Variants in STARD8 observed in about 807,000 individuals in gnomAD.
STARD8 encodes stAR-related lipid transfer protein 8.
Under a neutral mutation model 69.4 loss-of-function variants are expected in STARD8, and 25 were observed. The observed-to-expected ratio is 0.36, with a 90% CI of 0.26 to 0.50. The LOEUF (loss-of-function observed/expected upper bound fraction) is 0.50, where lower values mean the gene tolerates loss of function less well. Ranked by LOEUF, STARD8 falls within the 20% of genes least tolerant of loss-of-function variation. STARD8 has a pLI of 0.96. For synonymous variants in STARD8, 389 were observed against 374.6 expected, an observed-to-expected ratio of 1.04 and a Z score of -0.45; for missense variants, 921 against 932.5, an observed-to-expected ratio of 0.99 and a Z score of 0.16.
At chrX:68,723,553 C>T in intron 12 of STARD8, 73 bp from the exon 13 acceptor site, 1 of 942,429 alleles carries the variant, frequency 1.1e-6, no homozygotes. Context: ...CAGTTTGAGG[C>T]CTGGACTTAG....
At chrX:68,650,183 G>T (rs1176369633) in intron 1 of STARD8, among the ~76,000 whole-genome samples, 1 of 111,108 alleles carries the variant, frequency 9.0e-6, no homozygotes, top group Non-Finnish European at 1.9e-5. Flanking sequence ...TAGCATTTTG[G>T]GAGGCCAATG....
intron 2 of STARD8, among the ~76,000 whole-genome samples, chrX:68,693,363 C>T (rs1033648685): frequency 1.8e-5 from 2 of 112,901 alleles, no homozygotes; most frequent in African/African-American, 3.2e-5. Flanking sequence ...CAAACAGTGC[C>T]GGACTCATTC....
intron 4 of STARD8, among the ~76,000 whole-genome samples, chrX:68,715,611 C>A (rs1447368930): frequency 8.9e-6 from 1 of 112,198 alleles, no homozygotes; most frequent in Admixed American, 9.4e-5. Flanking sequence ...AAAGTTATAG[C>A]CCCCAAATAT....
At chrX:68,653,760 C>T (rs753938120) in intron 1 of STARD8, among the ~76,000 whole-genome samples, 270 of 102,470 alleles carry the variant, frequency 2.6e-3, no homozygotes, top group African/African-American at 9.0e-3. Context: ...CACACACACC[C>T]CACACATCAC....
At chrX:68,723,569 G>T in intron 12 of STARD8, 57 bp from the exon 13 acceptor site, 2 of 1,034,877 alleles carry the variant, frequency 1.9e-6, no homozygotes, top group African/African-American at 1.9e-5. Flanking sequence ...CTTAGGGCTG[G>T]AGTCAGAGTT....
Position 68,666,559 on chromosome X carries a change from A to T in STARD8, c.79+1027A>T, listed in dbSNP as rs181932216. Among the ~76,000 whole-genome samples, 131 of 112,363 alleles carry T rather than the reference A, an allele frequency of 1.2e-3. 1 individual carries two copies. The highest frequency in any genetic ancestry group is 2.1e-3 in the Non-Finnish European group (114 of 53,277). ...GGGCGAATCACGCCAGGATGCAGAG[A>T]GAGGATTCTAGTGACTTCCCAAGGA... On this transcript the variant is annotated intron_variant, in intron 2 of 14. Coordinates refer to ENST00000374599, the MANE Select transcript of STARD8 (RefSeq NM_001142503.3).
At chrX:68,679,100 T>C (rs2079784878) in intron 2 of STARD8, among the ~76,000 whole-genome samples, 1 of 112,471 alleles carries the variant, frequency 8.9e-6, no homozygotes, top group Non-Finnish European at 1.9e-5. Flanking sequence ...TTTATCTGTA[T>C]TATGTCATGC....
At chrX:68,664,944 G>T (rs996742355) in intron 1 of STARD8, among the ~76,000 whole-genome samples, 1 of 111,835 alleles carries the variant, frequency 8.9e-6, no homozygotes, top group African/African-American at 3.3e-5. Flanking sequence ...CTGTGAAGTC[G>T]GGATTATTGC....
rs1394313443 is a variant in STARD8 at position 68,715,254 on chromosome X, T to TA, written c.152-39dup. On this transcript the variant is annotated intron_variant, in intron 3 of 14. Coordinates refer to ENST00000374599, the MANE Select transcript of STARD8 (RefSeq NM_001142503.3). ...AGGGCTGCTGAGGCTGAGTTTGTGA[T>TA]ATACCACTGCACTCATCTTTGCTTC... The TA allele has an allele frequency of 4.4e-6, 5 of 1,125,623 alleles. No individual in the cohort carries two copies. In the African/African-American group the frequency reaches 7.2e-5, roughly 16 times the overall value. The allele number at this position is 1,125,623 out of a possible 1,213,427, so 92.8% of individuals were successfully genotyped here. A position where few individuals can be genotyped will look rare whatever the true frequency, so the allele number is the denominator to read the frequency against.
At position 68,720,916 on chromosome X, in the gene STARD8, T is replaced by C; in HGVS notation, c.2050-8T>C. The C allele has an allele frequency of 1.1e-5, 13 of 1,207,461 alleles. No homozygotes were observed. The highest frequency in any genetic ancestry group is 1.7e-5 in the African/African-American group (1 of 57,619). On this transcript the variant is annotated splice_polypyrimidine_tract_variant and splice_region_variant and intron_variant, in intron 8 of 14. Transcript: ENST00000374599. ...TTCCTCACTCCCTCCCTCCCCTGCA[T>C]GGAGTAGGTAGGCATCTTCCGCAAG...
At chrX:68,721,404 A>C in intron 9 of STARD8, 132 bp from the exon 10 acceptor site, 1 of 683,889 alleles carries the variant, frequency 1.5e-6, no homozygotes, top group Non-Finnish European at 2.2e-6. Context: ...ACCTCACAGA[A>C]CTGACATTTT....
intron 2 of STARD8, among the ~76,000 whole-genome samples, chrX:68,675,856 A>G (rs999938739): frequency 1.8e-5 from 2 of 111,714 alleles, no homozygotes; most frequent in African/African-American, 6.5e-5. Context: ...CCCGGTTTGC[A>G]GCAAGGGTCA....
At chrX:68,672,907 T>A (rs1439410012) in intron 2 of STARD8, among the ~76,000 whole-genome samples, 1 of 111,756 alleles carries the variant, frequency 8.9e-6, no homozygotes, top group African/African-American at 3.3e-5. Context: ...CTTCCAACTC[T>A]GTGTTCATTT....
intron 2 of STARD8, among the ~76,000 whole-genome samples, chrX:68,688,312 C>T (rs1476155319): frequency 9.0e-6 from 1 of 111,117 alleles, no homozygotes; most frequent in African/African-American, 3.3e-5. Flanking sequence ...GGGTGGTTGG[C>T]CAGGGACAGG....
At chrX:68,696,257 C>T (rs2079918582) in intron 2 of STARD8, among the ~76,000 whole-genome samples, 1 of 111,981 alleles carries the variant, frequency 8.9e-6, no homozygotes, top group Non-Finnish European at 1.9e-5. Context: ...TTCTTCCCCA[C>T]CCCACAACAG....
At chrX:68,715,271 C>T (rs2080082902) in intron 3 of STARD8, 23 bp from the exon 4 acceptor site, 1 of 1,186,763 alleles carries the variant, frequency 8.4e-7, no homozygotes, top group South Asian at 1.8e-5. Context: ...CTGCACTCAT[C>T]TTTGCTTCTC....
At position 68,658,373 on chromosome X, in the gene STARD8, A is replaced by G. The variant is rs778961803; in HGVS notation, c.46-7126A>G. 2.7e-5 allele frequency among the ~76,000 whole-genome samples: 3 copies of G among 112,539 alleles called. No individual in the cohort carries two copies. In the East Asian group the frequency reaches 8.4e-4, roughly 31 times the overall value. On this transcript the variant is annotated intron_variant, in intron 1 of 14. Coordinates refer to ENST00000374599, the MANE Select transcript of STARD8 (RefSeq NM_001142503.3). ...TTTTAACCCAGGTAATCTAGTTTCA[A>G]AGTCCACTATGTTCATGTAATCTGT...
At position 68,723,683 on chromosome X, in the gene STARD8, C is replaced by CA; in HGVS notation, c.2857_2858insA (p.Pro953HisfsTer17). On this transcript the variant is annotated frameshift_variant, in exon 13 of 15. Transcript: ENST00000374599. LOFTEE classifies it high-confidence loss of function. ...GGCATCCACAGAGGTGGCAGCCCCC[C>CA]CAGCTGTGGTGCTGCATCGTGTTCT... The CA allele has an allele frequency of 8.3e-7, 1 of 1,199,142 alleles. No individual in the cohort carries two copies. Among genetic ancestry groups the CA allele is most frequent in the Non-Finnish European group, 1.1e-6 (1 of 889,414 alleles).
At chrX:68,649,929 T>C (rs1035555218) in intron 1 of STARD8, among the ~76,000 whole-genome samples, 20 of 111,028 alleles carry the variant, frequency 1.8e-4, no homozygotes, top group Middle Eastern at 4.2e-3. Flanking sequence ...GAAGAAATGA[T>C]AGAGAGCTGG....
Sources: gnomAD v4.1 joint callset for allele counts (sites outside exome capture counted in the v4.1 genomes callset) on GRCh38, gnomAD v4.1.1 for gene constraint, MANE v1.5 for transcripts, NCBI Gene and HGNC (gene_info 2026-07-23, HGNC 2026-07-21) for gene names.